LDLRAD3: variants seen among roughly 807,000 people sequenced by gnomAD.
The protein encoded by LDLRAD3 is low density lipoprotein receptor class A domain containing 3.
In LDLRAD3, 20 loss-of-function variants were observed where a neutral mutation model predicts 29.4. The ratio of observed to expected loss-of-function variants is 0.68; its 90% CI spans 0.48 to 0.99. LDLRAD3 has a LOEUF of 0.99. Among genes scored for constraint, LDLRAD3 ranks in the 50% least tolerant of loss-of-function variants. The pLI is 0.00. For missense variants in LDLRAD3, 420 were observed against 454.3 expected, an observed-to-expected ratio of 0.92 and a Z score of 0.69; for synonymous variants, 157 against 192.7, an observed-to-expected ratio of 0.81 and a Z score of 1.53.
chr11:36,161,301 T>G (rs1018297240), intron 4 of LDLRAD3, among the ~76,000 whole-genome samples: 2 of 152,186 alleles, frequency 1.3e-5, no homozygotes, highest in African/African-American at 4.8e-5. Flanking sequence ...ATGGCATCTA[T>G]AATACTATCC....
chr11:36,009,030 C>T (rs1052880678), intron 1 of LDLRAD3, among the ~76,000 whole-genome samples: 39 of 152,112 alleles, frequency 2.6e-4, no homozygotes, highest in African/African-American at 4.8e-5. Context: ...TAGATATCTC[C>T]CTCCTTTGTA....
At chr11:36,221,305 C>T (rs12574172) in intron 4 of LDLRAD3, among the ~76,000 whole-genome samples, 10,132 of 150,926 alleles carry the variant, frequency 0.067, 437 homozygotes, top group East Asian at 0.2. Flanking sequence ...GAGCCAAGAT[C>T]GTGCAGTAGC....
intron 4 of LDLRAD3, among the ~76,000 whole-genome samples, chr11:36,116,619 G>A (rs1214993432): frequency 2.6e-5 from 4 of 151,896 alleles, no homozygotes; most frequent in African/African-American, 7.3e-5. Context: ...GCATTATGTG[G>A]TTCTCTTCAT....
intron 5 of LDLRAD3, 114 bp from the exon 6 acceptor site, chr11:36,229,046 T>C (rs775330520): frequency 1.8e-4 from 132 of 742,714 alleles, no homozygotes; most frequent in Non-Finnish European, 2.7e-4. Flanking sequence ...AAATCTCATT[T>C]CGCACTGGAA....
At chr11:36,174,153 G>T (rs374284658) in intron 4 of LDLRAD3, among the ~76,000 whole-genome samples, 1 of 152,112 alleles carries the variant, frequency 6.6e-6, no homozygotes, top group African/African-American at 2.4e-5. Context: ...GGAAAACTGG[G>T]TAGCCATATG....
At chr11:36,025,182 G>A (rs536666522) in intron 1 of LDLRAD3, among the ~76,000 whole-genome samples, 5 of 152,186 alleles carry the variant, frequency 3.3e-5, no homozygotes, top group East Asian at 1.9e-4. Flanking sequence ...TTTTTGAAGC[G>A]AGAATATAGT....
chr11:36,082,940 C>T (rs2133258599), intron 3 of LDLRAD3, among the ~76,000 whole-genome samples: 1 of 152,320 alleles, frequency 6.6e-6, no homozygotes, highest in East Asian at 1.9e-4. Context: ...AATGTTTAGA[C>T]TACTTGAGCA....
chr11:35,988,816 C>T (rs933296957), intron 1 of LDLRAD3: 1 of 151,964 alleles, frequency 6.6e-6, no homozygotes, highest in African/African-American at 2.4e-5. Context: ...GTCTCCTGAC[C>T]TCTTGATCTG....
At chr11:36,178,362 C>G (rs747932818) in intron 4 of LDLRAD3, among the ~76,000 whole-genome samples, 180 of 152,200 alleles carry the variant, frequency 1.2e-3, no homozygotes, top group Non-Finnish European at 1.7e-3. Context: ...TGAGGGTTCT[C>G]TCCTGGAACC....
chr11:36,153,944 T>G (rs1456600377), intron 4 of LDLRAD3, among the ~76,000 whole-genome samples: 2 of 152,050 alleles, frequency 1.3e-5, no homozygotes, highest in African/African-American at 4.8e-5. Context: ...AGGATACTGT[T>G]CTTCTAAGTT....
intron 1 of LDLRAD3, among the ~76,000 whole-genome samples, chr11:35,965,640 A>T (rs531777796): frequency 2.9e-4 from 44 of 152,178 alleles, no homozygotes; most frequent in Admixed American, 1.6e-3. Context: ...GAGAGGAGGG[A>T]GGAAACCAAA....
chr11:36,091,004 G>A (rs1191864845), intron 3 of LDLRAD3, among the ~76,000 whole-genome samples: 2 of 152,288 alleles, frequency 1.3e-5, no homozygotes, highest in African/African-American at 4.8e-5. Flanking sequence ...GCTTGTTGTC[G>A]GGATGATTTG....
At chr11:35,959,888 C>T (rs1441134677) in intron 1 of LDLRAD3, among the ~76,000 whole-genome samples, 1 of 152,168 alleles carries the variant, frequency 6.6e-6, no homozygotes, top group Non-Finnish European at 1.5e-5. Flanking sequence ...GCTAAGATCT[C>T]ACCATTCTAC....
intron 1 of LDLRAD3, among the ~76,000 whole-genome samples, chr11:36,017,075 T>A (rs886690411): frequency 6.6e-6 from 1 of 152,256 alleles, no homozygotes; most frequent in Admixed American, 6.5e-5. Flanking sequence ...AATTTAACCA[T>A]GTCAATGTGT....
intron 1 of LDLRAD3, among the ~76,000 whole-genome samples, chr11:36,007,008 C>T (rs1224938918): frequency 2.0e-5 from 3 of 152,310 alleles, no homozygotes; most frequent in East Asian, 3.9e-4. Context: ...TTACTCTGTC[C>T]CCAGCCCCAC....
intron 2 of LDLRAD3, among the ~76,000 whole-genome samples, chr11:36,044,629 T>G (rs1195638636): frequency 3.9e-5 from 6 of 152,212 alleles, no homozygotes; most frequent in African/African-American, 7.2e-5. Context: ...CTGTCCAGTC[T>G]TGGACACACA....
rs1377632981 is a variant in LDLRAD3, at chr11:36,213,278, C to T, written c.455-13807C>T. Among the ~76,000 whole-genome samples the T allele has an allele frequency of 6.6e-6, 1 of 152,230 alleles. No individual in the cohort carries two copies. The highest frequency in any genetic ancestry group is 1.5e-5 in the Non-Finnish European group (1 of 68,040). On this transcript the variant is annotated intron_variant, in intron 4 of 5. Transcript: ENST00000315571. This position sits in a 1 kb window ranked among gnomAD's most constrained non-coding sequence, Gnocchi z 4.1. ...CTGCTGTGGCCGGTCTGAGGTTGCG[C>T]AGCTCCAGTTTTCCCATCACCCTCT...
chr11:36,064,842 G>T (rs1030504217), intron 2 of LDLRAD3, among the ~76,000 whole-genome samples: 2 of 152,052 alleles, frequency 1.3e-5, no homozygotes, highest in South Asian at 4.2e-4. Flanking sequence ...ATTTCCTTCT[G>T]TTGTTGATTT....
chr11:35,988,496 A>G (rs191874444), intron 1 of LDLRAD3, among the ~76,000 whole-genome samples: 29 of 151,904 alleles, frequency 1.9e-4, no homozygotes, highest in African/African-American at 6.8e-4. Flanking sequence ...GTTTGTGAAT[A>G]TTTTCTCTCA....
Sources: gnomAD v4.1 joint callset for allele counts (sites outside exome capture counted in the v4.1 genomes callset) on GRCh38, gnomAD v4.1.1 for gene constraint, Gnocchi (gnomAD v3.1) non-coding constraint, MANE v1.5 for transcripts, NCBI Gene and HGNC (gene_info 2026-07-23, HGNC 2026-07-21) for gene names.